The following PCDH9 variants were observed in gnomAD, a reference collection of about 807,000 sequenced individuals.
The protein encoded by PCDH9 is protocadherin 9, also known as protocadherin-9.
PCDH9 carries 24 observed loss-of-function variants against 70.6 expected under a neutral mutation model. The observed-to-expected ratio is 0.34, with a 90% CI of 0.25 to 0.48. The LOEUF (loss-of-function observed/expected upper bound fraction) is 0.48, where lower values mean the gene tolerates loss of function less well. Ranked by LOEUF, PCDH9 falls within the 20% of genes least tolerant of loss-of-function variation. PCDH9 has a pLI of 0.99. For missense variants in PCDH9, 1,281 were observed against 1,503.6 expected (o/e 0.85, Z 2.45); for synonymous variants, 562 against 558.5 (o/e 1.01, Z -0.09).
chr13:66,837,747 C>A (rs1399419561), intron 3 of PCDH9, among the ~76,000 whole-genome samples: 1 of 152,082 alleles, frequency 6.6e-6, no homozygotes, highest in African/African-American at 2.4e-5. Flanking sequence ...CGTTAAAAAA[C>A]GACCTTTCCA....
At chr13:66,330,814 C>G (rs571795165) in intron 4 of PCDH9, among the ~76,000 whole-genome samples, 69 of 152,206 alleles carry the variant, frequency 4.5e-4, no homozygotes, top group African/African-American at 1.6e-3. Context: ...TACAAATGGC[C>G]TCTATTCATC....
chr13:66,388,363 A>G (rs1256240386), intron 4 of PCDH9, among the ~76,000 whole-genome samples: 1 of 152,112 alleles, frequency 6.6e-6, no homozygotes, highest in Non-Finnish European at 1.5e-5. Flanking sequence ...CATTTATTGG[A>G]TTAATATAGA....
intron 2 of PCDH9, among the ~76,000 whole-genome samples, chr13:67,052,804 AG>A (rs1455113031): frequency 1.3e-5 from 2 of 152,170 alleles, no homozygotes; most frequent in Non-Finnish European, 1.5e-5. Context: ...GGGGGATCAA[AG>A]GATGATTCAA....
Position 66,601,828 on chromosome 13 carries a change from T to C in PCDH9, c.3340+29382A>G, listed in dbSNP as rs555778936. 6.2e-5 allele frequency among the ~76,000 whole-genome samples: 9 copies of C among 145,930 alleles called. 2 individuals carry two copies. On this transcript the variant is annotated intron_variant, in intron 4 of 4. Transcript: ENST00000377865. ...ATAATAATGTCATGTAAGGCATTAC[T>C]CATGTGTTTGTGGTGATGCTGGTGT...
At chr13:66,762,605 C>G (rs542682083) in intron 3 of PCDH9, among the ~76,000 whole-genome samples, 1 of 152,100 alleles carries the variant, frequency 6.6e-6, no homozygotes, top group African/African-American at 2.4e-5. Flanking sequence ...GCACTGTAAT[C>G]TCCCAGCTGG....
chr13:66,378,927 T>G (rs1956794699), intron 4 of PCDH9, among the ~76,000 whole-genome samples: 1 of 152,178 alleles, frequency 6.6e-6, no homozygotes, highest in South Asian at 2.1e-4. Context: ...GATGACACAG[T>G]TCACCAAGCA....
intron 4 of PCDH9, among the ~76,000 whole-genome samples, chr13:66,567,038 A>G (rs539357605): frequency 1.3e-5 from 2 of 152,234 alleles, no homozygotes; most frequent in African/African-American, 2.4e-5. Context: ...GTGAGGGGAA[A>G]GTTCTCCATT....
intron 4 of PCDH9, among the ~76,000 whole-genome samples, chr13:66,391,392 T>A (rs144361894): frequency 2.1e-4 from 32 of 152,344 alleles, no homozygotes; most frequent in African/African-American, 7.2e-4. Flanking sequence ...ACTGTTAAAC[T>A]CTACAAATGC....
intron 3 of PCDH9, among the ~76,000 whole-genome samples, chr13:66,767,614 G>T (rs997883532): frequency 6.6e-6 from 1 of 151,976 alleles, no homozygotes; most frequent in African/African-American, 2.4e-5. Flanking sequence ...AAAGAGTTAT[G>T]TTGAACAGCT....
chr13:67,181,161 G>C (rs962954709), intron 2 of PCDH9, among the ~76,000 whole-genome samples: 1 of 152,124 alleles, frequency 6.6e-6, no homozygotes, highest in Non-Finnish European at 1.5e-5. Flanking sequence ...TAGATCAGTG[G>C]TTTTCAAACT....
At chr13:66,640,529 A>C (rs568879241) in intron 3 of PCDH9, among the ~76,000 whole-genome samples, 1 of 74,776 alleles carries the variant, frequency 1.3e-5, no homozygotes, top group East Asian at 4.5e-4. Flanking sequence ...ACCCATGCAA[A>C]GACACACACA....
chr13:66,977,019 G>A (rs146489645), intron 2 of PCDH9, among the ~76,000 whole-genome samples: 98 of 152,182 alleles, frequency 6.4e-4, no homozygotes, highest in African/African-American at 2.2e-3. Flanking sequence ...GTGATCCAAA[G>A]ACTTAGTCTG....
chr13:66,356,647 G>A (rs1042148725), intron 4 of PCDH9, among the ~76,000 whole-genome samples: 1 of 152,042 alleles, frequency 6.6e-6, no homozygotes, highest in Non-Finnish European at 1.5e-5. Flanking sequence ...CAAAAACAAA[G>A]ATGATACAGT....
At chr13:66,838,175 G>A (rs1425791789) in intron 3 of PCDH9, among the ~76,000 whole-genome samples, 1 of 151,514 alleles carries the variant, frequency 6.6e-6, no homozygotes, top group Non-Finnish European at 1.5e-5. Flanking sequence ...TTATTCTTCT[G>A]CAAACCTCAA....
At chr13:66,492,479 A>T (rs1452428112) in intron 4 of PCDH9, among the ~76,000 whole-genome samples, 1 of 148,172 alleles carries the variant, frequency 6.7e-6, no homozygotes, top group Non-Finnish European at 1.5e-5. Flanking sequence ...ACAAATATAT[A>T]TAATGATTTT....
intron 4 of PCDH9, among the ~76,000 whole-genome samples, chr13:66,315,035 G>A (rs1377167678): frequency 2.0e-5 from 3 of 152,160 alleles, no homozygotes; most frequent in Admixed American, 6.5e-5. Flanking sequence ...TTCCAAGGAC[G>A]GGAAGGATTC....
chr13:67,033,666 A>T (rs1219599863), intron 2 of PCDH9, among the ~76,000 whole-genome samples: 1 of 152,164 alleles, frequency 6.6e-6, no homozygotes, highest in Non-Finnish European at 1.5e-5. Flanking sequence ...CACAAATGCT[A>T]TACTCGTACC....
chr13:66,536,440 T>G (rs1043255332), intron 4 of PCDH9, among the ~76,000 whole-genome samples: 1 of 152,112 alleles, frequency 6.6e-6, no homozygotes. Flanking sequence ...TAGAAAATTT[T>G]TGTTGTGTTC....
At chr13:66,751,690 C>G (rs1452137825) in intron 3 of PCDH9, among the ~76,000 whole-genome samples, 2 of 152,194 alleles carry the variant, frequency 1.3e-5, no homozygotes, top group Non-Finnish European at 2.9e-5. Flanking sequence ...AAGGTAGCCA[C>G]TTATGTGCCC....
Sources: allele counts gnomAD v4.1 joint callset (sites outside exome capture counted in the v4.1 genomes callset), GRCh38; gene constraint gnomAD v4.1.1; transcripts MANE v1.5; gene names NCBI Gene and HGNC (gene_info 2026-07-23, HGNC 2026-07-21).